The following COL21A1 variants were observed in gnomAD, a reference collection of about 807,000 sequenced individuals.
COL21A1 encodes the protein collagen type XXI alpha 1 chain.
In COL21A1, 149 loss-of-function variants were observed where a neutral mutation model predicts 137.9. That is an observed-to-expected ratio of 1.08 (90% CI 0.95 to 1.24). COL21A1 has a LOEUF of 1.24. COL21A1 is among the 50% of genes most tolerant of loss of function. COL21A1 has a pLI of 0.00. For missense variants in COL21A1, 1,167 were observed against 1,158.4 expected (o/e 1.01, Z -0.11); for synonymous variants, 456 against 391.5 (o/e 1.16, Z -1.95).
intron 1 of COL21A1, among the ~76,000 whole-genome samples, chr6:56,272,491 A>G (rs1402539816): frequency 6.6e-6 from 1 of 152,194 alleles, no homozygotes; most frequent in Non-Finnish European, 1.5e-5. Flanking sequence ...TTTCAGGTTA[A>G]TGCTGGAATG....
intron 7 of COL21A1, 190 bp downstream of exon 7, chr6:56,166,716 A>T (rs773847087): frequency 9.3e-4 from 630 of 679,336 alleles, no homozygotes; most frequent in Admixed American, 2.8e-3. Context: ...TTGCACAATG[A>T]CACATAACAA....
chr6:56,115,859 T>C lies in COL21A1; in HGVS notation c.1758+8203A>G, dbSNP rs565052804. Among the ~76,000 whole-genome samples, 4 of 152,228 alleles carry C rather than the reference T, an allele frequency of 2.6e-5. No homozygotes were observed. The East Asian group carries it at 7.7e-4, about 29-fold the overall frequency. ...TTACAAAGAAACAAAGCAGAAATTC[T>C]GGAGCTGAAAAATGCAATTAGCATA... On this transcript the variant is annotated intron_variant, in intron 16 of 29. Coordinates refer to ENST00000244728, the MANE Select transcript of COL21A1 (RefSeq NM_030820.4).
At chr6:56,212,315 T>C (rs1164065989) in intron 1 of COL21A1, among the ~76,000 whole-genome samples, 1 of 152,018 alleles carries the variant, frequency 6.6e-6, no homozygotes, top group Non-Finnish European at 1.5e-5. Context: ...ACATATTATT[T>C]AATGTTAATT....
At chr6:56,306,324 GT>G (rs1764450814) in intron 1 of COL21A1, among the ~76,000 whole-genome samples, 1 of 151,032 alleles carries the variant, frequency 6.6e-6, no homozygotes, top group African/African-American at 2.4e-5. Flanking sequence ...CCTGCAGAGT[GT>G]TTTCCAATTT....
intron 1 of COL21A1, among the ~76,000 whole-genome samples, chr6:56,208,671 T>TA (rs1346148344): frequency 6.6e-6 from 1 of 152,114 alleles, no homozygotes; most frequent in African/African-American, 2.4e-5. Flanking sequence ...TAGAAAACAC[T>TA]ATGTTAAATT....
intron 1 of COL21A1, among the ~76,000 whole-genome samples, chr6:56,275,139 G>A (rs1393425491): frequency 6.6e-6 from 1 of 152,170 alleles, no homozygotes; most frequent in Non-Finnish European, 1.5e-5. Context: ...AGTAAATGGT[G>A]CTCAGATAAC....
intron 1 of COL21A1, among the ~76,000 whole-genome samples, chr6:56,220,886 G>A (rs532112983): frequency 2.4e-4 from 36 of 152,214 alleles, no homozygotes; most frequent in African/African-American, 8.2e-4. Flanking sequence ...ATATTTAAAG[G>A]AAGCTGGTCA....
intron 1 of COL21A1, among the ~76,000 whole-genome samples, chr6:56,258,146 A>C (rs553368205): frequency 6.6e-6 from 1 of 152,160 alleles, no homozygotes; most frequent in South Asian, 2.1e-4. Context: ...CATTACTCAG[A>C]AACTTTGGAG....
At chr6:56,158,266 C>CT (rs67453245) in intron 9 of COL21A1, among the ~76,000 whole-genome samples, 29,063 of 62,700 alleles carry the variant, frequency 0.46, 7,221 homozygotes, top group East Asian at 0.55. Flanking sequence ...TTTTTTTTTT[C>CT]TTTTTTTTTT....
intron 9 of COL21A1, among the ~76,000 whole-genome samples, chr6:56,158,112 AT>A (rs1282254951): frequency 1.3e-5 from 2 of 152,142 alleles, no homozygotes; most frequent in Non-Finnish European, 2.9e-5. Flanking sequence ...ATACTAAAAA[AT>A]ATCATAGGTA....
intron 16 of COL21A1, among the ~76,000 whole-genome samples, chr6:56,117,793 T>C (rs1772071980): frequency 6.6e-6 from 1 of 151,822 alleles, no homozygotes; most frequent in Non-Finnish European, 1.5e-5. Context: ...TTGGAAACTA[T>C]ACAAACACAT....
intron 1 of COL21A1, among the ~76,000 whole-genome samples, chr6:56,298,454 G>A (rs1764207929): frequency 6.6e-6 from 1 of 151,976 alleles, no homozygotes; most frequent in African/African-American, 2.4e-5. Context: ...GTTGAGGATG[G>A]GAATCAGAAG....
At position 56,231,388 on chromosome 6, in the gene COL21A1, G is replaced by C. The variant is rs1193234052; in HGVS notation, c.-39+15999C>G. Reference sequence around the variant, plus strand: ...TAAAAGTGATGAGTCACAATATTCAGTTCTTTCCTGGCGTTATTCAGCTAG... The same window carrying C: ...TAAAAGTGATGAGTCACAATATTCACTTCTTTCCTGGCGTTATTCAGCTAG... On this transcript the variant is annotated intron_variant, in intron 1 of 29. Transcript: ENST00000244728. 1.3e-5 allele frequency among the ~76,000 whole-genome samples: 2 copies of C among 151,780 alleles called. 1 individual carries two copies. Among genetic ancestry groups the C allele is most frequent in the Non-Finnish European group, 2.9e-5 (2 of 67,844 alleles).
chr6:56,297,057 T>C (rs561960365), intron 1 of COL21A1, among the ~76,000 whole-genome samples: 27 of 152,208 alleles, frequency 1.8e-4, no homozygotes, highest in Admixed American at 7.2e-4. Context: ...TTTATCATAA[T>C]AGTCTTCTGC....
At chr6:56,086,341 A>C (rs1768244010) in intron 17 of COL21A1, among the ~76,000 whole-genome samples, 1 of 152,088 alleles carries the variant, frequency 6.6e-6, no homozygotes, top group South Asian at 2.1e-4. Context: ...TCCACGGTTA[A>C]ATTTTGACTC....
chr6:56,097,366 C>T (rs1769425105), intron 17 of COL21A1, among the ~76,000 whole-genome samples: 1 of 152,034 alleles, frequency 6.6e-6, no homozygotes, highest in Non-Finnish European at 1.5e-5. Flanking sequence ...GCCTCAGCAC[C>T]TTGTTTGTCT....
intron 10 of COL21A1, among the ~76,000 whole-genome samples, chr6:56,149,799 C>T (rs2152247839): frequency 6.6e-6 from 1 of 152,302 alleles, no homozygotes; most frequent in East Asian, 1.9e-4. Flanking sequence ...CCCTAGCTGC[C>T]ATCCTCTCAC....
intron 1 of COL21A1, among the ~76,000 whole-genome samples, chr6:56,346,223 A>C (rs1455926964): frequency 6.6e-6 from 1 of 152,282 alleles, no homozygotes; most frequent in Non-Finnish European, 1.5e-5. Flanking sequence ...TCACTCAATA[A>C]CTACACCCCC....
At chr6:56,090,382 A>T (rs1215915453) in intron 17 of COL21A1, among the ~76,000 whole-genome samples, 3 of 152,228 alleles carry the variant, frequency 2.0e-5, no homozygotes, top group African/African-American at 7.2e-5. Context: ...TATGTCATTT[A>T]TGATAGGAAA....
Sources: gnomAD v4.1 joint callset for allele counts (sites outside exome capture counted in the v4.1 genomes callset) on GRCh38, gnomAD v4.1.1 for gene constraint, MANE v1.5 for transcripts, NCBI Gene and HGNC (gene_info 2026-07-23, HGNC 2026-07-21) for gene names.